The following ACOT6 variants were observed in gnomAD, a reference collection of about 807,000 sequenced individuals.
ACOT6 encodes the protein acyl-coenzyme A thioesterase 6.
In ACOT6, 14 loss-of-function variants were observed where a neutral mutation model predicts 12.3. The observed-to-expected ratio is 1.14, with a 90% confidence interval of 0.75 to 1.78. The LOEUF is 1.78. ACOT6 is among the 40% of genes most tolerant of loss of function. The probability of loss-of-function intolerance (pLI) is 0.00; values close to 1 mark genes in which losing one functional copy is unlikely to be tolerated. For synonymous variants in ACOT6, 218 were observed against 231.3 expected, an observed-to-expected ratio of 0.94 and a Z score of 0.52; for missense variants, 523 against 551.8, an observed-to-expected ratio of 0.95 and a Z score of 0.52.
At chr14:73,616,965 C>G in intron 1 of ACOT6, 29 bp from the exon 2 acceptor site, 2 of 629,430 alleles carry the variant, frequency 3.2e-6, no homozygotes, top group Non-Finnish European at 5.7e-6. Context: ...AACTAAAGCT[C>G]CCTGTGATTT....
chr14:73,619,786 T>G lies in ACOT6; in HGVS notation c.1213T>G (p.Phe405Val), dbSNP rs144620353. The change falls in exon 3 of 3, where the codon TTC becomes GTC. Residue 405 changes from phenylalanine (F) to valine (V), a missense_variant. Around this residue, in one of 2 missense-constraint regions of ACOT6, gnomAD observed 219 missense variants for 277.0 expected, o/e 0.79. Transcript: ENST00000645972. ...QVDAWQQIQT[F>V]FHKHLNGKKS... ...AGATGCCTGGCAGCAAATTCAAACT[T>G]TCTTCCATAAACATCTCAATGGTAA... The G allele has an allele frequency of 1.2e-6, 2 of 1,611,410 alleles. No homozygotes were observed. The highest frequency in any genetic ancestry group is 8.5e-7 in the Non-Finnish European group (1 of 1,179,288).
chr14:73,615,752 C>G, intron 1 of ACOT6, among the ~76,000 whole-genome samples: 1 of 151,748 alleles, frequency 6.6e-6, no homozygotes, highest in East Asian at 1.9e-4. Context: ...AACAAACAAA[C>G]AAACAAACAA....
In ACOT6 at chr14:73,612,557, T is replaced by A; in HGVS notation, c.-15T>A. The A allele has an allele frequency of 1.5e-6, 2 of 1,354,820 alleles. No homozygotes were observed. The highest frequency in any genetic ancestry group is 1.9e-6 in the Non-Finnish European group (2 of 1,040,492). 83.9% of individuals were successfully genotyped at this position (1,354,820 alleles called of 1,614,324 possible). A position where few individuals can be genotyped will look rare whatever the true frequency, so the allele number is the denominator to read the frequency against. On this transcript the variant is annotated 5_prime_UTR_variant, in exon 1 of 3. Transcript: ENST00000645972. ...CTCCGCGGAGCTGGGTCGCCCCTGT[T>A]CTACCCAGATTGGGATGGCAGCGAC...
Position 73,618,259 on chromosome 14 carries a change from A to G in ACOT6, c.661-975A>G, listed in dbSNP as rs907373862. On this transcript the variant is annotated intron_variant, in intron 2 of 2. Coordinates refer to ENST00000645972, the MANE Select transcript of ACOT6 (RefSeq NM_001365788.1). ...GAGATCCAGACATTCTAATGTTAAG[A>G]TATAAGATGTTCTGCAGGGTTCTCT... 5.3e-5 allele frequency among the ~76,000 whole-genome samples: 8 copies of G among 152,180 alleles called. No homozygotes were observed. In the East Asian group the frequency reaches 1.5e-3, roughly 29 times the overall value.
chr14:73,615,546 C>CA (rs1386421929), intron 1 of ACOT6, among the ~76,000 whole-genome samples: 2 of 151,596 alleles, frequency 1.3e-5, no homozygotes, highest in Non-Finnish European at 2.9e-5. Flanking sequence ...GCCTCACCAA[C>CA]ATGGTGAAAC....
Position 73,618,409 on chromosome 14 carries a change from A to C in ACOT6, c.661-825A>C, listed in dbSNP as rs1415623615. Among the ~76,000 whole-genome samples, 3 of 146,864 alleles carry C rather than the reference A, an allele frequency of 2.0e-5. 1 individual carries two copies. The highest frequency in any genetic ancestry group is 8.2e-5 in the African/African-American group (3 of 36,452). On this transcript the variant is annotated intron_variant, in intron 2 of 2. Coordinates refer to ENST00000645972, the MANE Select transcript of ACOT6 (RefSeq NM_001365788.1). ...GTCGGTGTATATATACCTAGGCCTT[A>C]AACATGCAAGCTGGGGTGTCCACAC...
chr14:73,612,548 C>T lies in ACOT6; in HGVS notation c.-24C>T. 2 of 1,284,288 alleles carry T rather than the reference C, an allele frequency of 1.6e-6. No homozygotes were observed. The highest frequency in any genetic ancestry group is 1.9e-5 in the South Asian group (1 of 52,234). 79.6% of individuals were successfully genotyped at this position (1,284,288 alleles called of 1,614,324 possible). A position where few individuals can be genotyped will look rare whatever the true frequency, so the allele number is the denominator to read the frequency against. Reference sequence around the variant, plus strand: ...GCCCACTGACTCCGCGGAGCTGGGTCGCCCCTGTTCTACCCAGATTGGGAT... The same window carrying T: ...GCCCACTGACTCCGCGGAGCTGGGTTGCCCCTGTTCTACCCAGATTGGGAT... On this transcript the variant is annotated 5_prime_UTR_variant, in exon 1 of 3. Coordinates refer to ENST00000645972, the MANE Select transcript of ACOT6 (RefSeq NM_001365788.1).
chr14:73,613,012 G>T lies in ACOT6; in HGVS notation c.441G>T (p.Ala147=). The change falls in exon 1 of 3, where the codon GCG becomes GCT. Residue 147 remains alanine, a synonymous_variant. Transcript: ENST00000645972. ...EPVRAGPVRA[A]LFLPPDEGPF... The stretch of plus-strand genomic sequence containing the variant: ...TGCGCGCGGGCCCGGTGCGCGCCGC[G>T]CTCTTCCTGCCGCCGGATGAGTAGT... 2.2e-6 allele frequency: 2 copies of T among 924,160 alleles called. No homozygotes were observed. The highest frequency in any genetic ancestry group is 3.0e-6 in the Non-Finnish European group (2 of 662,748). 57.2% of individuals were successfully genotyped at this position (924,160 alleles called of 1,614,324 possible).
chr14:73,612,594 A>G lies in ACOT6; in HGVS notation c.23A>G (p.Glu8Gly). Residue 8 changes from glutamate to glycine, a missense_variant, in exon 1 of 3, where the codon GAG becomes GGG. Transcript: ENST00000645972. Reference protein sequence around the residue: MAATLILEPAGRCCWDEP... With the variant: MAATLILGPAGRCCWDEP... ...GGGATGGCAGCGACGCTGATCCTGG[A>G]GCCCGCGGGCCGCTGCTGCTGGGAC... is the stretch of plus-strand genomic sequence containing the variant. 7.1e-7 allele frequency: 1 copy of G among 1,410,650 alleles called. No individual in the cohort carries two copies. The highest frequency in any genetic ancestry group is 9.3e-7 in the Non-Finnish European group (1 of 1,075,292). 87.4% of individuals were successfully genotyped at this position (1,410,650 alleles called of 1,614,324 possible). A position where few individuals can be genotyped will look rare whatever the true frequency, so the allele number is the denominator to read the frequency against.
upstream of ACOT6, chr14:73,612,421 C>A: frequency 2.1e-6 from 1 of 474,890 alleles, no homozygotes; most frequent in Non-Finnish European, 3.4e-6. Flanking sequence ...CTAGGCGCCC[C>A]ACGCAGCGGC....
chr14:73,612,686 C>A lies in ACOT6; in HGVS notation c.115C>A (p.Arg39Ser). 7.1e-7 allele frequency: 1 copy of A among 1,406,566 alleles called. No homozygotes were observed. Among genetic ancestry groups the A allele is most frequent in the Non-Finnish European group, 9.2e-7 (1 of 1,084,826 alleles). 87.1% of individuals were successfully genotyped at this position (1,406,566 alleles called of 1,614,324 possible). ...GCCAGTCACGCTGCGCACGTCCCTGCGCGACGAAGAGGGCGCGCTCTTCCG... is the reference window on the plus strand; with the variant it reads ...GCCAGTCACGCTGCGCACGTCCCTGAGCGACGAAGAGGGCGCGCTCTTCCG... ...EQPVTLRTSL[R>S]DEEGALFRAH... Residue 39 changes from arginine to serine, a missense_variant, in exon 1 of 3, where the codon CGC (arginine) becomes AGC (serine). By Grantham distance (110) the Arg-to-Ser change is moderately radical. Around this residue, in one of 2 missense-constraint regions of ACOT6, gnomAD observed 304 missense variants for 274.8 expected, o/e 1.11. Coordinates refer to ENST00000645972, the MANE Select transcript of ACOT6 (RefSeq NM_001365788.1).
At position 73,612,704 on chromosome 14, in the gene ACOT6, C is replaced by T; in HGVS notation, c.133C>T (p.Leu45Phe). ...GTCCCTGCGCGACGAAGAGGGCGCG[C>T]TCTTCCGGGCCCACGCGCGCTACCG... ...RTSLRDEEGALFRAHARYRAD... is the reference protein window; with the variant it reads ...RTSLRDEEGAFFRAHARYRAD... Residue 45 changes from leucine to phenylalanine, a missense_variant, in exon 1 of 3, where the codon CTC becomes TTC. Coordinates refer to ENST00000645972, the MANE Select transcript of ACOT6 (RefSeq NM_001365788.1). 2.1e-6 allele frequency: 3 copies of T among 1,396,120 alleles called. No individual in the cohort carries two copies. Among genetic ancestry groups the T allele is most frequent in the South Asian group, 3.2e-5 (2 of 62,768 alleles). 86.5% of individuals were successfully genotyped at this position (1,396,120 alleles called of 1,614,324 possible). A position where few individuals can be genotyped will look rare whatever the true frequency, so the allele number is the denominator to read the frequency against.
intron 2 of ACOT6, among the ~76,000 whole-genome samples, chr14:73,618,630 A>G (rs376948192): frequency 7.1e-6 from 1 of 141,470 alleles, no homozygotes; most frequent in Non-Finnish European, 1.5e-5. Flanking sequence ...GGAGAAAATA[A>G]TATACTGTAT....
In ACOT6 at chr14:73,617,088, C is replaced by T; in HGVS notation, c.556C>T (p.Leu186Phe). The T allele has an allele frequency of 6.5e-7, 1 of 1,549,698 alleles. No homozygotes were observed. The highest frequency in any genetic ancestry group is 1.1e-5 in the South Asian group (1 of 89,618). Residue 186 changes from leucine to phenylalanine, a missense_variant, in exon 2 of 3, where the codon CTT becomes TTT. Physicochemically the swap from Leu to Phe is conservative, Grantham distance 22 (BLOSUM62 0). Around this residue, in one of 2 missense-constraint regions of ACOT6, gnomAD observed 304 missense variants for 274.8 expected, o/e 1.11. Coordinates refer to ENST00000645972, the MANE Select transcript of ACOT6 (RefSeq NM_001365788.1). ...CCTGGCCGGACATGGTTTTGCTGTG[C>T]TTGCCCTGGCTTATTTCAGATTTGA... ...SLLAGHGFAV[L>F]ALAYFRFEDL...
chr14:73,612,973 G>A lies in ACOT6; in HGVS notation c.402G>A (p.Val134=). ...QNKRDFLRPG[V]RREPVRAGPV... ...AGCGCGACTTTCTCCGGCCGGGGGT[G>A]CGGCGCGAGCCGGTGCGCGCGGGCC... is the stretch of plus-strand genomic sequence containing the variant. Residue 134 remains valine (V), a synonymous_variant, in exon 1 of 3, where the codon GTG becomes GTA. Coordinates refer to ENST00000645972, the MANE Select transcript of ACOT6 (RefSeq NM_001365788.1). 1 of 1,176,300 alleles carries A rather than the reference G, an allele frequency of 8.5e-7. No homozygotes were observed. Among genetic ancestry groups the A allele is most frequent in the South Asian group, 1.7e-5 (1 of 57,990 alleles). 72.9% of individuals were successfully genotyped at this position (1,176,300 alleles called of 1,614,324 possible). A position where few individuals can be genotyped will look rare whatever the true frequency, so the allele number is the denominator to read the frequency against.
rs1373921177 is a variant in ACOT6 at position 73,612,966 on chromosome 14, CG to C, written c.400del (p.Val134CysfsTer67). On this transcript the variant is annotated frameshift_variant, in exon 1 of 3. Coordinates refer to ENST00000645972, the MANE Select transcript of ACOT6 (RefSeq NM_001365788.1). LOFTEE classifies it high-confidence loss of function. ...CAGAACAAGCGCGACTTTCTCCGGC[CG>C]GGGGTGCGGCGCGAGCCGGTGCGCG... is the stretch of plus-strand genomic sequence containing the variant. The part of the protein sequence containing the change: ...LAQNKRDFLR[P>X]GVRREPVRAG... 7 of 1,200,282 alleles carry C rather than the reference CG, an allele frequency of 5.8e-6. No individual in the cohort carries two copies. The highest frequency in any genetic ancestry group is 6.3e-5 in the East Asian group (2 of 31,924). The allele number at this position is 1,200,282 out of a possible 1,614,324, so 74.4% of individuals were successfully genotyped here.
chr14:73,617,402 C>T (rs1391832491), intron 2 of ACOT6, among the ~76,000 whole-genome samples: 1 of 152,076 alleles, frequency 6.6e-6, no homozygotes, highest in African/African-American at 2.4e-5. Context: ...ATTGCTTGAC[C>T]CCAGGAGTTC....
At chr14:73,611,158 T>C (rs910349571), upstream of ACOT6, 2 of 152,248 alleles carry the variant, frequency 1.3e-5, no homozygotes, top group African/African-American at 2.4e-5. Context: ...TAGAGTCTAA[T>C]ACCTTTTTGT....
chr14:73,616,702 T>G (rs1890547610), intron 1 of ACOT6: 1 of 215,914 alleles, frequency 4.6e-6, no homozygotes, highest in Non-Finnish European at 9.0e-6. Context: ...AAAAAAAATT[T>G]TTTTTTTAAT....
Sources: gnomAD v4.1 joint callset for allele counts (sites outside exome capture counted in the v4.1 genomes callset) on GRCh38, gnomAD v4.1.1 for gene constraint, gnomAD v4.1.1 regional missense constraint, MANE v1.5 for transcripts, NCBI Gene and HGNC (gene_info 2026-07-23, HGNC 2026-07-21) for gene names.